Variants in COG4 observed in about 807,000 individuals in gnomAD.
COG4 encodes the protein conserved oligomeric Golgi complex subunit 4.
In COG4, 65 loss-of-function variants were observed where a neutral mutation model predicts 95.1. The observed-to-expected ratio is 0.68, with a 90% CI of 0.56 to 0.84. The LOEUF (loss-of-function observed/expected upper bound fraction) is 0.84, where lower values mean the gene tolerates loss of function less well. COG4 is among the 40% of genes least tolerant of loss of function. COG4 has a pLI of 0.00. For missense variants in COG4, 1,045 were observed against 989.1 expected (o/e 1.06, Z -0.76); for synonymous variants, 421 against 374.8 (o/e 1.12, Z -1.42).
At chr16:70,514,654 G>C (rs2049786322) in intron 3 of COG4, 145 bp from the exon 4 acceptor site, 2 of 709,656 alleles carry the variant, frequency 2.8e-6, no homozygotes, top group Admixed American at 4.0e-5. Flanking sequence ...TAACGCAACT[G>C]TTATTGATGA....
At chr16:70,490,735 C>T (rs1483381401) in intron 12 of COG4, among the ~76,000 whole-genome samples, 1 of 151,964 alleles carries the variant, frequency 6.6e-6, no homozygotes, top group African/African-American at 2.4e-5. Flanking sequence ...CCAGGCTGGA[C>T]TGCAAGCTCT....
In COG4 at chr16:70,509,968, A is replaced by C. The variant is rs962092784; in HGVS notation, c.792T>G (p.Ser264Arg). 3.1e-6 allele frequency: 5 copies of C among 1,613,998 alleles called. No individual in the cohort carries two copies. The highest frequency in any genetic ancestry group is 4.2e-6 in the Non-Finnish European group (5 of 1,179,946). Reference sequence around the variant, plus strand: ...CAAAGATGACTGCAGCTCTCCGATCACTCATGTCTGTCCCCAGCACCATGA... The same window carrying C: ...CAAAGATGACTGCAGCTCTCCGATCCCTCATGTCTGTCCCCAGCACCATGA... The part of the protein sequence containing the change: ...NLLMVLGTDM[S>R]DRRAAVIFAD... Residue 264 changes from serine (S) to arginine (R), a missense_variant, in exon 6 of 19, where the codon AGT (serine) becomes AGG (arginine). Ser to Arg is a moderately radical substitution (Grantham distance 110, BLOSUM62 -1). Transcript: ENST00000323786.
chr16:70,517,681 G>A lies in COG4; in HGVS notation c.314C>T (p.Thr105Ile). Residue 105 changes from threonine (T) to isoleucine (I), a missense_variant, in exon 3 of 19, where the codon ACC becomes ATC. Transcript: ENST00000323786. ...AKQLAGMITF[T>I]CNLAENVSSK... ...GGACACATTCTCAGCCAGGTTGCAG[G>A]TAAAGGTGATCATTCCAGCCAGCTG... The A allele has an allele frequency of 6.2e-7, 1 of 1,613,622 alleles. No homozygotes were observed. Among genetic ancestry groups the A allele is most frequent in the Non-Finnish European group, 8.5e-7 (1 of 1,179,936 alleles).
In COG4 at chr16:70,497,393, C is replaced by A. The variant is rs942200422; in HGVS notation, c.1315-6G>T. On this transcript the variant is annotated splice_polypyrimidine_tract_variant and splice_region_variant and intron_variant, in intron 10 of 18. Coordinates refer to ENST00000323786, the MANE Select transcript of COG4 (RefSeq NM_015386.3). Reference sequence around the variant, plus strand: ...TAGGTGTCCAGAGCCACAGCCTACCCAAAAGGCAAAGCCAACACTGAGGGT... The same window carrying A: ...TAGGTGTCCAGAGCCACAGCCTACCAAAAAGGCAAAGCCAACACTGAGGGT... 15 of 1,612,242 alleles carry A rather than the reference C, an allele frequency of 9.3e-6. No homozygotes were observed. Among genetic ancestry groups the A allele is most frequent in the Non-Finnish European group, 1.3e-5 (15 of 1,180,010 alleles).
intron 9 of COG4, among the ~76,000 whole-genome samples, chr16:70,499,057 A>T (rs557894343): frequency 6.6e-6 from 1 of 152,236 alleles, no homozygotes; most frequent in South Asian, 2.1e-4. Context: ...CTCTACAAAA[A>T]ATAAACAAAC....
At position 70,500,560 on chromosome 16, in the gene COG4, C is replaced by T. The variant is rs146978492; in HGVS notation, c.1195+398G>A. Among the ~76,000 whole-genome samples, 484 of 151,612 alleles carry T rather than the reference C, an allele frequency of 3.2e-3. 4 individuals are homozygous for T. Among genetic ancestry groups the T allele is most frequent in the African/African-American group, 0.011 (451 of 41,266 alleles). ...ATTTTTAATAGAGATGGGGTTTCAC[C>T]ATATTGGTCAGGCTGGTCTCGAACT... On this transcript the variant is annotated intron_variant, in intron 9 of 18. Coordinates refer to ENST00000323786, the MANE Select transcript of COG4 (RefSeq NM_015386.3).
chr16:70,514,201 C>T (rs961234908), intron 4 of COG4, 134 bp downstream of exon 4: 26 of 891,380 alleles, frequency 2.9e-5, no homozygotes, highest in South Asian at 9.0e-5. Context: ...AGCAAGACTC[C>T]GTCTCAAAAA....
chr16:70,496,147 T>G, intron 12 of COG4, 119 bp downstream of exon 12: 1 of 1,046,396 alleles, frequency 9.6e-7, no homozygotes, highest in South Asian at 1.3e-5. Flanking sequence ...GGAATTTTCC[T>G]TCTATATAGA....
intron 9 of COG4, among the ~76,000 whole-genome samples, chr16:70,498,850 G>A (rs1183376724): frequency 6.6e-6 from 1 of 152,170 alleles, no homozygotes; most frequent in East Asian, 1.9e-4. Context: ...CCATGGCAAA[G>A]ATAAAAATAT....
At chr16:70,510,568 T>C (rs2049679630) in intron 5 of COG4, among the ~76,000 whole-genome samples, 1 of 152,110 alleles carries the variant, frequency 6.6e-6, no homozygotes, top group Non-Finnish European at 1.5e-5. Flanking sequence ...CAAGCAATCC[T>C]CTTGCCTCAG....
chr16:70,490,273 C>A, intron 13 of COG4, 57 bp downstream of exon 13: 1 of 1,377,242 alleles, frequency 7.3e-7, no homozygotes. Context: ...GTATAGGGCT[C>A]TATCTCAACA....
chr16:70,488,028 T>G (rs1010452572), intron 13 of COG4, among the ~76,000 whole-genome samples: 5 of 152,178 alleles, frequency 3.3e-5, no homozygotes, highest in Non-Finnish European at 7.4e-5. Context: ...TTTCACTATG[T>G]TTGCCAGGCT....
intron 5 of COG4, among the ~76,000 whole-genome samples, 180 bp from the exon 6 acceptor site, chr16:70,510,201 C>A (rs2049671392): frequency 6.6e-6 from 1 of 152,220 alleles, no homozygotes; most frequent in African/African-American, 2.4e-5. Context: ...TCAGGCAGGA[C>A]AAGGAAAGTG....
At chr16:70,486,014 G>GT (rs2049125525) in intron 13 of COG4, among the ~76,000 whole-genome samples, 1 of 151,632 alleles carries the variant, frequency 6.6e-6, no homozygotes, top group Non-Finnish European at 1.5e-5. Flanking sequence ...TCCTGCCTCA[G>GT]TCTCCCAAGT....
rs1171411043 is a variant in COG4 at position 70,496,545 on chromosome 16, T to TA, written c.1482-115dup. On this transcript the variant is annotated intron_variant, in intron 11 of 18. Transcript: ENST00000323786. ...GCACAAGGTGCTCTTTTAGGGGGAATAACCAGTCCTTAAGACCACTGTAGG... is the reference window on the plus strand; with the variant it reads ...GCACAAGGTGCTCTTTTAGGGGGAATAAACCAGTCCTTAAGACCACTGTAGG... 3.7e-5 allele frequency: 39 copies of TA among 1,049,600 alleles called. 1 individual carries two copies. In the Middle Eastern group the frequency reaches 2.6e-3, roughly 69 times the overall value. The allele number at this position is 1,049,600 out of a possible 1,614,324, so 65.0% of individuals were successfully genotyped here.
intron 13 of COG4, among the ~76,000 whole-genome samples, chr16:70,485,551 G>A (rs2049111387): frequency 6.7e-6 from 1 of 150,358 alleles, no homozygotes. Flanking sequence ...GGGACTCTAG[G>A]CCAGGTATTC....
At chr16:70,517,910 A>G (rs1490570464) in intron 2 of COG4, among the ~76,000 whole-genome samples, 170 bp from the exon 3 acceptor site, 1 of 152,040 alleles carries the variant, frequency 6.6e-6, no homozygotes. Context: ...CTGTAAACTC[A>G]GACCTATACC....
At chr16:70,516,453 C>T (rs1338151393) in intron 3 of COG4, among the ~76,000 whole-genome samples, 1 of 152,070 alleles carries the variant, frequency 6.6e-6, no homozygotes, top group East Asian at 1.9e-4. Flanking sequence ...CCTGTCACCA[C>T]CACTGGCTAA....
chr16:70,495,004 T>G (rs1354385410), intron 12 of COG4, among the ~76,000 whole-genome samples: 1 of 152,164 alleles, frequency 6.6e-6, no homozygotes, highest in Non-Finnish European at 1.5e-5. Context: ...TACTATGGGT[T>G]CCTCTGCACA....
Sources: gnomAD v4.1 joint callset for allele counts (sites outside exome capture counted in the v4.1 genomes callset) on GRCh38, gnomAD v4.1.1 for gene constraint, MANE v1.5 for transcripts, NCBI Gene and HGNC (gene_info 2026-07-23, HGNC 2026-07-21) for gene names.